DMD: variants seen among roughly 807,000 people sequenced by gnomAD.
DMD encodes mutant dystrophin.
DMD carries 63 observed loss-of-function variants against 330.1 expected under a neutral mutation model. The ratio of observed to expected loss-of-function variants is 0.19; its 90% CI spans 0.16 to 0.24. The LOEUF (loss-of-function observed/expected upper bound fraction) is 0.24. Ranked by LOEUF, DMD falls within the 10% of genes least tolerant of loss-of-function variation. The pLI, the probability that DMD is intolerant of heterozygous loss-of-function variation, is 1.00. For missense variants in DMD, 3,344 were observed against 2,684.1 expected (o/e 1.25, Z -5.43); for synonymous variants, 1,223 against 959.8 (o/e 1.27, Z -5.07).
Position 33,238,519 on chromosome X carries a change from T to C in DMD, c.7+100740A>G, listed in dbSNP as rs377173882. Among the ~76,000 whole-genome samples, 22 of 111,554 alleles carry C rather than the reference T, an allele frequency of 2.0e-4. No individual in the cohort carries two copies. The East Asian group carries it at 3.4e-3, about 17-fold the overall frequency. On this transcript the variant is annotated intron_variant, in intron 1 of 17. Coordinates refer to the DMD transcript ENST00000288447. ...CTGTTTGTGTGTGTATGTGTGTGTG[T>C]GTTAATGTGTGTGTCTGTGTGTAGA...
intron 2 of DMD, among the ~76,000 whole-genome samples, chrX:33,019,003 T>G (rs2093861350): frequency 1.8e-5 from 2 of 112,044 alleles, no homozygotes; most frequent in South Asian, 7.3e-4. Context: ...TTTTATTAGT[T>G]AAAATTCAGT....
intron 15 of DMD, among the ~76,000 whole-genome samples, chrX:32,572,965 T>G (rs1364444540): frequency 9.0e-6 from 1 of 111,491 alleles, no homozygotes; most frequent in Non-Finnish European, 1.9e-5. Context: ...TGATATACAC[T>G]GGCTCCCCTT....
chrX:32,803,930 G>C (rs915201077), intron 7 of DMD, among the ~76,000 whole-genome samples: 5 of 112,179 alleles, frequency 4.5e-5, no homozygotes, highest in Non-Finnish European at 7.5e-5. Context: ...TGTATATTCT[G>C]TTGATTTGGG....
At chrX:31,890,432 A>T (rs2094230205) in intron 47 of DMD, among the ~76,000 whole-genome samples, 1 of 111,458 alleles carries the variant, frequency 9.0e-6, no homozygotes, top group African/African-American at 3.2e-5. Context: ...GTAACTTTAA[A>T]TTTAAATGTA....
intron 43 of DMD, among the ~76,000 whole-genome samples, chrX:32,261,804 C>T (rs956975185): frequency 9.0e-6 from 1 of 111,027 alleles, no homozygotes; most frequent in African/African-American, 3.3e-5. Flanking sequence ...ACTCAAGAGA[C>T]ATGTTTGTGA....
intron 43 of DMD, among the ~76,000 whole-genome samples, chrX:32,256,737 G>T (rs2097300811): frequency 9.0e-6 from 1 of 111,294 alleles, no homozygotes; most frequent in Non-Finnish European, 1.9e-5. Flanking sequence ...GCATTTGCTT[G>T]TCTGTAAAGG....
intron 53 of DMD, among the ~76,000 whole-genome samples, chrX:31,678,281 C>T (rs1399540635): frequency 9.0e-6 from 1 of 111,697 alleles, no homozygotes; most frequent in African/African-American, 3.3e-5. Context: ...GAATCAGATA[C>T]TGGTTTAGCA....
chrX:31,595,987 A>G (rs2077093691), intron 55 of DMD, among the ~76,000 whole-genome samples: 1 of 111,631 alleles, frequency 9.0e-6, no homozygotes, highest in Non-Finnish European at 1.9e-5. Context: ...CTATAATAAA[A>G]TGAGAGAAAC....
intron 63 of DMD, among the ~76,000 whole-genome samples, chrX:31,255,597 C>T (rs983858396): frequency 9.0e-6 from 1 of 110,593 alleles, no homozygotes; most frequent in Non-Finnish European, 1.9e-5. Flanking sequence ...TCAGAATGTA[C>T]ATTTTAAAAC....
intron 44 of DMD, among the ~76,000 whole-genome samples, chrX:31,975,680 T>A (rs2095431072): frequency 8.9e-6 from 1 of 112,081 alleles, no homozygotes; most frequent in South Asian, 3.6e-4. Flanking sequence ...CAAAAAACAC[T>A]GTCTCAGGAC....
chrX:33,046,951 T>C (rs150173564), intron 1 of DMD, among the ~76,000 whole-genome samples: 670 of 112,362 alleles, frequency 6.0e-3, no homozygotes, highest in Non-Finnish European at 0.011. Context: ...ATATAGTTTG[T>C]CAAGGTAATG....
intron 62 of DMD, among the ~76,000 whole-genome samples, chrX:31,278,667 G>T (rs1489126706): frequency 8.9e-6 from 1 of 112,074 alleles, no homozygotes; most frequent in African/African-American, 3.2e-5. Flanking sequence ...ACAACTGCAC[G>T]TTGCCTGTCT....
chrX:31,503,679 G>T (rs2070653713), intron 56 of DMD, among the ~76,000 whole-genome samples: 1 of 111,552 alleles, frequency 9.0e-6, no homozygotes, highest in Non-Finnish European at 1.9e-5. Flanking sequence ...ATCAAAATTT[G>T]GAGAATAAGA....
chrX:32,647,238 G>A (rs189468407), intron 9 of DMD, among the ~76,000 whole-genome samples: 1 of 111,766 alleles, frequency 8.9e-6, no homozygotes, highest in African/African-American at 3.2e-5. Flanking sequence ...TGCAATGAAG[G>A]ATGCACATGC....
intron 7 of DMD, among the ~76,000 whole-genome samples, chrX:32,713,683 C>A (rs1228665077): frequency 9.0e-6 from 1 of 111,688 alleles, no homozygotes; most frequent in Admixed American, 9.6e-5. Flanking sequence ...GAGATAAATT[C>A]TATTTATTGC....
intron 1 of DMD, among the ~76,000 whole-genome samples, chrX:33,250,110 T>TATATATATATATATATATATATATATATA (rs748598265): frequency 4.1e-5 from 4 of 97,893 alleles, no homozygotes; most frequent in African/African-American, 1.7e-4. Flanking sequence ...TATATATATA[T>TATATATATATATATATATATATATATATA]ATCAATGTAC....
chrX:32,622,481 G>A (rs186867543), intron 11 of DMD, among the ~76,000 whole-genome samples: 6 of 111,746 alleles, frequency 5.4e-5, no homozygotes, highest in Non-Finnish European at 9.4e-5. Context: ...ATTTTTGCCA[G>A]TAGTTAAAAT....
At chrX:33,318,624 C>G (rs1367144275) in intron 1 of DMD, among the ~76,000 whole-genome samples, 1 of 107,692 alleles carries the variant, frequency 9.3e-6, no homozygotes, top group African/African-American at 3.4e-5. Flanking sequence ...GTTTGTATTT[C>G]TTAGTAGAGA....
chrX:32,555,604 A>T (rs189870544), intron 16 of DMD, among the ~76,000 whole-genome samples: 146 of 111,825 alleles, frequency 1.3e-3, no homozygotes, highest in African/African-American at 4.5e-3. Flanking sequence ...GTCACCAGAA[A>T]AGCAGGGTAC....
Sources: gnomAD v4.1 joint callset for allele counts (sites outside exome capture counted in the v4.1 genomes callset) on GRCh38, gnomAD v4.1.1 for gene constraint, MANE v1.5 for transcripts, NCBI Gene and HGNC (gene_info 2026-07-23, HGNC 2026-07-21) for gene names.